ASIP: variants seen among roughly 807,000 people sequenced by gnomAD.
The protein encoded by ASIP is agouti-signaling protein.
Under a neutral mutation model 10.3 loss-of-function variants are expected in ASIP, and 11 were observed. The observed-to-expected ratio is 1.07, with a 90% CI of 0.68 to 1.78. The LOEUF is 1.78. ASIP is among the 40% of genes most tolerant of loss of function. ASIP has a pLI of 0.00. For missense variants in ASIP, 180 were observed against 169.2 expected (o/e 1.06, Z -0.35); for synonymous variants, 70 against 70.8 (o/e 0.99, Z 0.06).
chr20:34,263,764 G>A (rs908882074), intron 3 of ASIP, among the ~76,000 whole-genome samples: 3 of 151,200 alleles, frequency 2.0e-5, no homozygotes, highest in Non-Finnish European at 4.4e-5. Context: ...CACCTGGCGA[G>A]TTCAAGCGAT....
intron 1 of ASIP, among the ~76,000 whole-genome samples, chr20:34,209,168 C>G (rs372845155): frequency 5.3e-5 from 8 of 152,218 alleles, no homozygotes; most frequent in African/African-American, 1.9e-4. Context: ...CCATCTGGAG[C>G]AGCTGCTGCC....
intron 1 of ASIP, among the ~76,000 whole-genome samples, chr20:34,258,779 G>GTA (rs55695878): frequency 1.0e-4 from 8 of 80,300 alleles, no homozygotes; most frequent in African/African-American, 3.6e-4. Context: ...AATATATATA[G>GTA]TATATATATA....
At position 34,205,828 on chromosome 20, in the gene ASIP, C is replaced by T. The variant is rs8119980; in HGVS notation, c.-11+11068C>T. ...CCCACCCAATTAGCTAGACACAGAG[C>T]GCTGATTGGTGCATTTACAAACCTT... is the stretch of plus-strand genomic sequence containing the variant. On this transcript the variant is annotated intron_variant, in intron 1 of 3. Transcript: ENST00000568305. Among the ~76,000 whole-genome samples the T allele has an allele frequency of 7.7e-3, 1,116 of 144,658 alleles. 15 individuals are homozygous for T. The highest frequency in any genetic ancestry group is 0.03 in the African/African-American group (1,052 of 35,106). The allele number at this position is 144,658 out of a possible 152,430, so 94.9% of individuals were successfully genotyped here.
upstream of ASIP, among the ~76,000 whole-genome samples, chr20:34,193,475 T>C (rs2034836783): frequency 6.6e-6 from 1 of 152,182 alleles, no homozygotes; most frequent in South Asian, 2.1e-4. Flanking sequence ...CACATTGTTG[T>C]TATCTTATCA....
At chr20:34,215,398 G>A in intron 1 of ASIP, 3 of 1,559,800 alleles carry the variant, frequency 1.9e-6, no homozygotes, top group Non-Finnish European at 2.7e-6. Context: ...ATTCCTGTGA[G>A]CCTCCTCTGA....
At chr20:34,262,810 C>T (rs201591152) in intron 2 of ASIP, 22 bp from the exon 3 acceptor site, 41 of 1,613,616 alleles carry the variant, frequency 2.5e-5, no homozygotes, top group Non-Finnish European at 3.4e-5. Context: ...TCTGACTTTG[C>T]TCCTTTTGTC....
At chr20:34,188,948 A>G in the ASIP span, among the ~76,000 whole-genome samples, 1 of 152,240 alleles carries the variant, frequency 6.6e-6, no homozygotes, top group Non-Finnish European at 1.5e-5. Flanking sequence ...TATAAGCATT[A>G]TGATAGGGCT....
chr20:34,262,755 C>T (rs1358771301), intron 2 of ASIP, 77 bp from the exon 3 acceptor site: 1 of 1,537,902 alleles, frequency 6.5e-7, no homozygotes, highest in East Asian at 2.3e-5. Flanking sequence ...TCCCAAGCCC[C>T]CTCTGCCCCT....
intron 1 of ASIP, chr20:34,214,987 T>A: frequency 7.1e-7 from 1 of 1,408,286 alleles, no homozygotes; most frequent in Non-Finnish European, 1.0e-6. Context: ...GTTTACCGGC[T>A]TAGAAAATCT....
intron 1 of ASIP, among the ~76,000 whole-genome samples, chr20:34,253,432 CTTA>C (rs1282761817): frequency 7.8e-6 from 1 of 127,478 alleles, no homozygotes; most frequent in African/African-American, 4.8e-5. Context: ...TCCCTACGCT[CTTA>C]TTTTTATTTT....
chr20:34,201,002 TTCCTTCC>T, intron 1 of ASIP, among the ~76,000 whole-genome samples: 1 of 68,572 alleles, frequency 1.5e-5, no homozygotes, highest in East Asian at 4.0e-4. Context: ...CCTTCCTTCC[TTCCTTCC>T]TTCCTTCCTT....
chr20:34,257,064 C>CTCTTT (rs1568767637), intron 1 of ASIP, among the ~76,000 whole-genome samples: 63 of 125,638 alleles, frequency 5.0e-4, no homozygotes, highest in East Asian at 1.3e-3. Flanking sequence ...CTCTCTCTTT[C>CTCTTT]TTTCTCTTTT....
chr20:34,191,489 C>A (rs140496281), upstream of ASIP, among the ~76,000 whole-genome samples: 1 of 152,272 alleles, frequency 6.6e-6, no homozygotes, highest in African/African-American at 2.4e-5. Context: ...GGAGCAGGAC[C>A]TGGCCACAAA....
chr20:34,214,281 A>G (rs903983237), intron 1 of ASIP: 5 of 1,405,544 alleles, frequency 3.6e-6, no homozygotes, highest in Non-Finnish European at 1.0e-6. Context: ...TCTGTGATCT[A>G]AGAAAGCCAT....
chr20:34,241,220 G>A (rs996084400), upstream of ASIP, among the ~76,000 whole-genome samples: 2 of 152,144 alleles, frequency 1.3e-5, no homozygotes, highest in Non-Finnish European at 2.9e-5. Context: ...GTAAAATAAA[G>A]GATAACCCTT....
At chr20:34,265,268 A>G (rs2035764394) in intron 3 of ASIP, among the ~76,000 whole-genome samples, 1 of 152,168 alleles carries the variant, frequency 6.6e-6, no homozygotes, top group South Asian at 2.1e-4. Flanking sequence ...CACACCTATA[A>G]TCCCAGCACT....
intron 1 of ASIP, among the ~76,000 whole-genome samples, chr20:34,252,688 A>G (rs8125380): frequency 0.12 from 17,444 of 151,686 alleles, 3,429 homozygotes; most frequent in African/African-American, 0.4. Flanking sequence ...CTCAGCACAG[A>G]CCCTTTATGG....
chr20:34,248,916 T>G (rs2035425905), intron 1 of ASIP, among the ~76,000 whole-genome samples: 1 of 149,826 alleles, frequency 6.7e-6, no homozygotes, highest in Non-Finnish European at 1.5e-5. Context: ...AATCTAATAA[T>G]TCATCAGCCT....
upstream of ASIP, among the ~76,000 whole-genome samples, chr20:34,189,595 C>T (rs2034813278): frequency 6.6e-6 from 1 of 152,156 alleles, no homozygotes; most frequent in Non-Finnish European, 1.5e-5. Flanking sequence ...GATGAACAGC[C>T]TGAGGAACTC....
Sources: allele counts gnomAD v4.1 joint callset (sites outside exome capture counted in the v4.1 genomes callset), GRCh38; gene constraint gnomAD v4.1.1; transcripts MANE v1.5; gene names NCBI Gene and HGNC (gene_info 2026-07-23, HGNC 2026-07-21).